Variants in CPN2 observed in about 807,000 individuals in gnomAD.
CPN2 encodes carboxypeptidase N 83 kDa chain.
For missense variants in CPN2, 620 were observed against 671.4 expected (o/e 0.92, Z 0.85); for synonymous variants, 336 against 318.4 (o/e 1.06, Z -0.59).
rs759367695 is a variant in CPN2 at position 194,341,457 on chromosome 3, G to A, written c.1246C>T (p.Arg416Trp). Residue 416 changes from arginine (R) to tryptophan (W), a missense_variant, in exon 2 of 2, where the codon CGG becomes TGG. By Grantham distance (101) the Arg-to-Trp change is moderately radical. Transcript: ENST00000323830. Reference protein sequence around the residue: ...LFNWLQQYTDRLLNIQTYCAG... With the variant: ...LFNWLQQYTDWLLNIQTYCAG... ...CAGTAGGTCTGGATGTTCAGGAGCC[G>A]ATCGGTGTACTGCTGCAGCCAGTTG... 146 of 1,614,228 alleles carry A rather than the reference G, an allele frequency of 9.0e-5. No homozygotes were observed. Among genetic ancestry groups the A allele is most frequent in the South Asian group, 7.5e-4 (68 of 91,086 alleles).
At chr3:194,349,287 G>A (rs561053564) in intron 1 of CPN2, among the ~76,000 whole-genome samples, 2 of 152,264 alleles carry the variant, frequency 1.3e-5, no homozygotes, top group South Asian at 4.1e-4. Context: ...CTAGAACCCG[G>A]GAGGCGGAGG....
At chr3:194,349,379 A>G (rs4974523) in intron 1 of CPN2, among the ~76,000 whole-genome samples, 106,326 of 152,080 alleles carry the variant, frequency 0.7, 37,376 homozygotes, top group East Asian at 0.76. Flanking sequence ...AAAAATTTGT[A>G]GTCATTACCT....
chr3:194,343,320 T>TA (rs1220249531), intron 1 of CPN2, among the ~76,000 whole-genome samples: 3 of 152,236 alleles, frequency 2.0e-5, no homozygotes, highest in African/African-American at 7.2e-5. Context: ...TACTGTTTTT[T>TA]AAAAAATTAA....
At position 194,342,417 on chromosome 3, in the gene CPN2, G is replaced by GC. The variant is rs762531777; in HGVS notation, c.285dup (p.Leu96AlafsTer13). The GC allele has an allele frequency of 3.7e-6, 6 of 1,614,092 alleles. No individual in the cohort carries two copies. Among genetic ancestry groups the GC allele is most frequent in the East Asian group, 2.2e-5 (1 of 44,898 alleles). The stretch of plus-strand genomic sequence containing the variant: ...ACCTCCAGGTCCTCCAGCCTGGGCA[G>GC]CCCCCCGAAGGCATCCGGCCTAAAC... On this transcript the variant is annotated frameshift_variant, in exon 2 of 2. Coordinates refer to ENST00000323830, the MANE Select transcript of CPN2 (RefSeq NM_001080513.4). LOFTEE classifies it low-confidence loss of function (END_TRUNC).
At position 194,342,210 on chromosome 3, in the gene CPN2, A is replaced by G; in HGVS notation, c.493T>C (p.Phe165Leu). The change falls in exon 2 of 2, where the codon TTC (phenylalanine) becomes CTC (leucine). Residue 165 changes from phenylalanine (F) to leucine (L), a missense_variant. By Grantham distance (22) the Phe-to-Leu change is conservative. Transcript: ENST00000323830. ...NQLQALPRRL[F>L]QPLTHLKTLN... is the part of the protein sequence containing the mutation. ...GTCTTCAGATGGGTCAGAGGCTGGA[A>G]GAGCCTCCTGGGCAGGGCCTGGAGC... 6.2e-7 allele frequency: 1 copy of G among 1,614,030 alleles called. No homozygotes were observed. The highest frequency in any genetic ancestry group is 1.7e-5 in the Admixed American group (1 of 60,022).
chr3:194,344,869 A>T (rs1215419567), intron 1 of CPN2, among the ~76,000 whole-genome samples: 1 of 152,100 alleles, frequency 6.6e-6, no homozygotes. Flanking sequence ...CAGAGTTAGC[A>T]TGAGACTAGG....
rs771823063 is a variant in CPN2 at position 194,342,434 on chromosome 3, G to A, written c.269C>T (p.Pro90Leu). 9.9e-6 allele frequency: 16 copies of A among 1,614,222 alleles called. No individual in the cohort carries two copies. The highest frequency in any genetic ancestry group is 1.2e-5 in the Non-Finnish European group (14 of 1,180,036). ...CCTGGGCAGCCCCCCGAAGGCATCC[G>A]GCCTAAACTGGCAGAGCTGAGTGTT... is the stretch of plus-strand genomic sequence containing the variant. ...FLNTQLCQFR[P>L]DAFGGLPRLE... Residue 90 changes from proline to leucine, a missense_variant, in exon 2 of 2, where the codon CCG becomes CTG. By Grantham distance (98) the Pro-to-Leu change is moderately conservative (BLOSUM62 -3). Coordinates refer to ENST00000323830, the MANE Select transcript of CPN2 (RefSeq NM_001080513.4).
chr3:194,342,876 G>C (rs1201945482), intron 1 of CPN2, among the ~76,000 whole-genome samples, 171 bp from the exon 2 acceptor site: 1 of 152,202 alleles, frequency 6.6e-6, no homozygotes, highest in African/African-American at 2.4e-5. Flanking sequence ...ATTCTTCTCA[G>C]ACTGGGGAAA....
intron 1 of CPN2, among the ~76,000 whole-genome samples, chr3:194,350,117 G>C (rs1296366701): frequency 6.6e-6 from 1 of 151,952 alleles, no homozygotes; most frequent in Non-Finnish European, 1.5e-5. Flanking sequence ...TTGGGTCCTC[G>C]GATCCCTCTT....
rs1202043813 is a variant in CPN2, at chr3:194,341,635, G to T, written c.1068C>A (p.Leu356=). The T allele has an allele frequency of 6.2e-7, 1 of 1,614,112 alleles. No homozygotes were observed. Among genetic ancestry groups the T allele is most frequent in the Non-Finnish European group, 8.5e-7 (1 of 1,180,054 alleles). The change falls in exon 2 of 2, where the codon CTC becomes CTA. Residue 356 remains leucine, a synonymous_variant. Coordinates refer to ENST00000323830, the MANE Select transcript of CPN2 (RefSeq NM_001080513.4). ...SNNLTALHPA[L]FQNLSKLELL... ...GCTCCAGCTTGGACAGGTTCTGGAAGAGGGCTGGGTGCAGCGCCGTAAGGT... is the reference window on the plus strand; with the variant it reads ...GCTCCAGCTTGGACAGGTTCTGGAATAGGGCTGGGTGCAGCGCCGTAAGGT...
intron 1 of CPN2, among the ~76,000 whole-genome samples, chr3:194,349,862 C>G (rs1333267200): frequency 7.4e-6 from 1 of 135,410 alleles, no homozygotes; most frequent in Non-Finnish European, 1.5e-5. Context: ...AGTGCAGTGA[C>G]GCCATCTCTG....
At position 194,340,699 on chromosome 3, in the gene CPN2, G is replaced by A. The variant is rs1712767048; in HGVS notation, c.*366C>T. 9.9e-6 allele frequency: 2 copies of A among 202,726 alleles called. No homozygotes were observed. The highest frequency in any genetic ancestry group is 9.9e-6 in the Non-Finnish European group (1 of 101,002). The allele number at this position is 202,726 out of a possible 1,614,324, so 12.6% of individuals were successfully genotyped here. A position where few individuals can be genotyped will look rare whatever the true frequency, so the allele number is the denominator to read the frequency against. On this transcript the variant is annotated 3_prime_UTR_variant, in exon 2 of 2. Coordinates refer to ENST00000323830, the MANE Select transcript of CPN2 (RefSeq NM_001080513.4). ...GTCAGAAGGCAGTGGCCTCCACTTT[G>A]TATCACTGGGATGCAGTGAATAGAC...
chr3:194,342,090 G>A lies in CPN2; in HGVS notation c.613C>T (p.Leu205Phe), dbSNP rs551772151. 14 of 1,614,194 alleles carry A rather than the reference G, an allele frequency of 8.7e-6. No homozygotes were observed. The highest frequency in any genetic ancestry group is 1.2e-5 in the Non-Finnish European group (14 of 1,180,032). The change falls in exon 2 of 2, where the codon CTC becomes TTC. Residue 205 changes from leucine (L) to phenylalanine (F), a missense_variant. Coordinates refer to ENST00000323830, the MANE Select transcript of CPN2 (RefSeq NM_001080513.4). ...AACACACCCTGGGGGAGACCAGAGA[G>A]CGCGTTGTTGCTCAGCTTCAGGGTC... ...LQTLKLSNNALSGLPQGVFGK... is the reference protein window; with the variant it reads ...LQTLKLSNNAFSGLPQGVFGK...
Position 194,340,081 on chromosome 3 carries a change from A to T in CPN2, c.*984T>A, listed in dbSNP as rs889153162. The T allele has an allele frequency of 6.6e-6, 1 of 152,214 alleles. No individual in the cohort carries two copies. Among genetic ancestry groups the T allele is most frequent in the Non-Finnish European group, 1.5e-5 (1 of 68,038 alleles). The allele number at this position is 152,214 out of a possible 1,614,324, so 9.4% of individuals were successfully genotyped here. A position where few individuals can be genotyped will look rare whatever the true frequency, so the allele number is the denominator to read the frequency against. The stretch of plus-strand genomic sequence containing the variant: ...GGAAAGGAATGTTCAGGTTAAGATA[A>T]AGGATCGTGGAGGCCAAGTTTTATT... On this transcript the variant is annotated 3_prime_UTR_variant, in exon 2 of 2. Transcript: ENST00000323830.
intron 1 of CPN2, among the ~76,000 whole-genome samples, chr3:194,346,760 G>A (rs906108748): frequency 1.4e-4 from 21 of 152,202 alleles, no homozygotes; most frequent in Non-Finnish European, 2.5e-4. Context: ...GCGTGGCAAC[G>A]TTAGTGACCC....
rs1268727243 is a variant in CPN2 at position 194,341,505 on chromosome 3, C to T, written c.1198G>A (p.Asp400Asn). ...TTGAAGAGGTAGGCCAGGTGGCAGT[C>T]GCACTGCCAGGGGTTACCGTGCAGG... ...LALHGNPWQC[D>N]CHLAYLFNWL... The change falls in exon 2 of 2, where the codon GAC (aspartate) becomes AAC (asparagine). Residue 400 changes from aspartate to asparagine, a missense_variant. Physicochemically the swap from Asp to Asn is conservative, Grantham distance 23. Coordinates refer to ENST00000323830, the MANE Select transcript of CPN2 (RefSeq NM_001080513.4). 11 of 1,614,056 alleles carry T rather than the reference C, an allele frequency of 6.8e-6. No homozygotes were observed. In the Admixed American group the frequency reaches 1.2e-4, roughly 17 times the overall value.
In CPN2 at chr3:194,341,552, T is replaced by C. The variant is rs748917588; in HGVS notation, c.1151A>G (p.Asn384Ser). ...CAGGGCCAGGTTGAACAGGTTGTAG[T>C]TGGTGTCGAAGATGCCCTCCGGAAG... ...TTLPEGIFDT[N>S]YNLFNLALHG... The change falls in exon 2 of 2, where the codon AAC becomes AGC. Residue 384 changes from asparagine to serine, a missense_variant. By Grantham distance (46) the Asn-to-Ser change is conservative. Transcript: ENST00000323830. 51 of 1,613,942 alleles carry C rather than the reference T, an allele frequency of 3.2e-5. No individual in the cohort carries two copies. The highest frequency in any genetic ancestry group is 6.7e-5 in the East Asian group (3 of 44,888).
chr3:194,346,966 C>T (rs1713067733), intron 1 of CPN2, among the ~76,000 whole-genome samples: 1 of 152,144 alleles, frequency 6.6e-6, no homozygotes, highest in African/African-American at 2.4e-5. Flanking sequence ...AGGGCTCTGA[C>T]TGGGAGCTCT....
chr3:194,341,413 G>C lies in CPN2; in HGVS notation c.1290C>G (p.Leu430=). 1 of 1,614,210 alleles carries C rather than the reference G, an allele frequency of 6.2e-7. No homozygotes were observed. The highest frequency in any genetic ancestry group is 2.2e-5 in the East Asian group (1 of 44,892). ...IQTYCAGPAY[L]KGQVVPALNE... The stretch of plus-strand genomic sequence containing the variant: ...TCAAGGCGGGCACCACCTGGCCTTT[G>C]AGGTAGGCAGGGCCAGCGCAGTAGG... Residue 430 remains leucine (L), a synonymous_variant, in exon 2 of 2, where the codon CTC becomes CTG. Coordinates refer to ENST00000323830, the MANE Select transcript of CPN2 (RefSeq NM_001080513.4).
Sources: allele counts gnomAD v4.1 joint callset (sites outside exome capture counted in the v4.1 genomes callset), GRCh38; gene constraint gnomAD v4.1.1; transcripts MANE v1.5; gene names NCBI Gene and HGNC (gene_info 2026-07-23, HGNC 2026-07-21).